The following REPS1 variants were observed in gnomAD, a reference collection of about 807,000 sequenced individuals.
REPS1 encodes the protein RALBP1 associated Eps domain containing 1.
A neutral mutation model predicts 100.9 loss-of-function variants in REPS1; 39 were observed. The observed-to-expected ratio is 0.39, with a 90% CI of 0.30 to 0.50. REPS1 has a LOEUF of 0.50. Ranked by LOEUF, REPS1 falls within the 20% of genes least tolerant of loss-of-function variation. The pLI is 0.86. For synonymous variants in REPS1, 324 were observed against 340.3 expected (o/e 0.95, Z 0.53); for missense variants, 821 against 968.5 (o/e 0.85, Z 2.02).
chr6:138,958,640 T>C (rs573744078), intron 1 of REPS1, among the ~76,000 whole-genome samples: 1 of 152,312 alleles, frequency 6.6e-6, no homozygotes, highest in Non-Finnish European at 1.5e-5. Flanking sequence ...ATTAGTACAT[T>C]GTAGTATACT....
intron 19 of REPS1, 121 bp from the exon 20 acceptor site, chr6:138,905,253 T>A (rs1182855906): frequency 1.6e-6 from 1 of 629,804 alleles, no homozygotes; most frequent in African/African-American, 1.9e-5. Context: ...GGAGAGCTTA[T>A]TCATATTTTA....
intron 13 of REPS1, 140 bp from the exon 14 acceptor site, chr6:138,916,116 A>G: frequency 1.4e-6 from 1 of 703,508 alleles, no homozygotes; most frequent in Non-Finnish European, 2.6e-6. Flanking sequence ...AAGTGTTACA[A>G]TAAATTAAGA....
chr6:138,975,779 A>G (rs1784569558), intron 1 of REPS1, among the ~76,000 whole-genome samples: 1 of 152,196 alleles, frequency 6.6e-6, no homozygotes, highest in African/African-American at 2.4e-5. Context: ...GGGTGCAGTG[A>G]GTCGAGATTG....
intron 5 of REPS1, 95 bp downstream of exon 5, chr6:138,944,403 T>A (rs1782475193): frequency 1.3e-5 from 18 of 1,384,872 alleles, no homozygotes; most frequent in Non-Finnish European, 1.7e-5. Flanking sequence ...TGGATTTGCA[T>A]TTATAAAATC....
rs970352796 is a variant in REPS1, at chr6:138,988,165, C to G, written c.-483G>C. The G allele has an allele frequency of 5.0e-6, 2 of 398,318 alleles. No individual in the cohort carries two copies. Among genetic ancestry groups the G allele is most frequent in the Non-Finnish European group, 8.9e-6 (2 of 225,958 alleles). The allele number at this position is 398,318 out of a possible 1,614,324, so 24.7% of individuals were successfully genotyped here. A position where few individuals can be genotyped will look rare whatever the true frequency, so the allele number is the denominator to read the frequency against. On this transcript the variant is annotated 5_prime_UTR_variant, in exon 1 of 20. Coordinates refer to ENST00000450536, the MANE Select transcript of REPS1 (RefSeq NM_001286611.2). Reference sequence around the variant, plus strand: ...CTTCGAACCTAAAGTTTCGGGGGATCTGGGCTGAGCGTGGCCGCCGCTCCG... The same window carrying G: ...CTTCGAACCTAAAGTTTCGGGGGATGTGGGCTGAGCGTGGCCGCCGCTCCG...
At chr6:138,983,404 G>A (rs1044233166) in intron 1 of REPS1, among the ~76,000 whole-genome samples, 3 of 152,082 alleles carry the variant, frequency 2.0e-5, no homozygotes, top group South Asian at 2.1e-4. Flanking sequence ...GCAGTGAGCC[G>A]AGATTGCACC....
At chr6:138,973,685 G>A (rs765136426) in intron 1 of REPS1, among the ~76,000 whole-genome samples, 1 of 151,824 alleles carries the variant, frequency 6.6e-6, no homozygotes, top group Non-Finnish European at 1.5e-5. Flanking sequence ...TGTAATCGTA[G>A]AGAAGTTACT....
At chr6:138,948,080 A>G (rs996649355) in intron 1 of REPS1, among the ~76,000 whole-genome samples, 167 bp from the exon 2 acceptor site, 1 of 152,220 alleles carries the variant, frequency 6.6e-6, no homozygotes, top group African/African-American at 2.4e-5. Context: ...ATATGTTTAC[A>G]AACAAAAAGT....
intron 8 of REPS1, among the ~76,000 whole-genome samples, chr6:138,933,417 T>G (rs1317717270): frequency 6.6e-6 from 1 of 152,248 alleles, no homozygotes; most frequent in Non-Finnish European, 1.5e-5. Context: ...GAAATTTGAA[T>G]TTCATACAAT....
At chr6:138,940,005 C>G (rs1782120896) in intron 8 of REPS1, among the ~76,000 whole-genome samples, 1 of 152,160 alleles carries the variant, frequency 6.6e-6, no homozygotes, top group African/African-American at 2.4e-5. Context: ...GGCATCAAAT[C>G]CACATTTCAG....
chr6:138,929,120 T>C (rs947474512), intron 9 of REPS1: 3 of 152,192 alleles, frequency 2.0e-5, no homozygotes, highest in Non-Finnish European at 4.4e-5. Flanking sequence ...GTGAACAAAC[T>C]TTTGTATTTT....
chr6:138,932,460 C>CA (rs767471347), intron 8 of REPS1, among the ~76,000 whole-genome samples: 1 of 74,530 alleles, frequency 1.3e-5, no homozygotes, highest in East Asian at 7.5e-4. Flanking sequence ...GTATTCCTTA[C>CA]CCCCCCCCAC....
intron 1 of REPS1, among the ~76,000 whole-genome samples, chr6:138,961,275 C>T (rs9495291): frequency 0.15 from 22,569 of 151,888 alleles, 1,777 homozygotes; most frequent in African/African-American, 0.17. Flanking sequence ...ATTTTTTTGT[C>T]GCCCAGGCTG....
chr6:138,961,511 T>C (rs73563037), intron 1 of REPS1, among the ~76,000 whole-genome samples: 13,362 of 152,036 alleles, frequency 0.088, 1,232 homozygotes, highest in African/African-American at 0.23. Context: ...GCCACCATGC[T>C]CGGCTCAAAG....
chr6:138,912,669 A>T, intron 16 of REPS1, 96 bp downstream of exon 16: 1 of 1,135,360 alleles, frequency 8.8e-7, no homozygotes, highest in Non-Finnish European at 1.3e-6. Flanking sequence ...GGAATATTTT[A>T]CTCACTGATG....
At chr6:138,924,668 C>T (rs1780986262) in intron 10 of REPS1, among the ~76,000 whole-genome samples, 1 of 152,018 alleles carries the variant, frequency 6.6e-6, no homozygotes, top group Non-Finnish European at 1.5e-5. Flanking sequence ...CTTAACTGTA[C>T]AATAATGAGA....
intron 11 of REPS1, 130 bp from the exon 12 acceptor site, chr6:138,920,446 AAAT>A: frequency 2.1e-6 from 1 of 469,674 alleles, no homozygotes; most frequent in East Asian, 3.3e-5. Flanking sequence ...ATGTAAGACA[AAAT>A]AATATTTTTA....
At chr6:138,907,383 T>C in intron 19 of REPS1, 112 bp downstream of exon 19, 1 of 560,400 alleles carries the variant, frequency 1.8e-6, no homozygotes, top group Middle Eastern at 5.3e-4. Context: ...ATCTAGAAAA[T>C]TAGAGAAGAG....
At chr6:138,978,481 C>CTT (rs57561790) in intron 1 of REPS1, among the ~76,000 whole-genome samples, 13,453 of 147,536 alleles carry the variant, frequency 0.091, 1,271 homozygotes, top group African/African-American at 0.24. Flanking sequence ...TTTATTTTAT[C>CTT]TTTTTTTTTT....
Sources: allele counts gnomAD v4.1 joint callset (sites outside exome capture counted in the v4.1 genomes callset), GRCh38; gene constraint gnomAD v4.1.1; transcripts MANE v1.5; gene names NCBI Gene and HGNC (gene_info 2026-07-23, HGNC 2026-07-21).